SASS6: variants seen among roughly 807,000 people sequenced by gnomAD.
SASS6 encodes the protein SAS-6 centriolar assembly protein.
SASS6 carries 59 observed loss-of-function variants against 94.9 expected under a neutral mutation model. The ratio of observed to expected loss-of-function variants is 0.62; its 90% CI spans 0.50 to 0.77. The LOEUF (loss-of-function observed/expected upper bound fraction) is 0.77. SASS6 is among the 30% of genes least tolerant of loss of function. The pLI is 0.00. For synonymous variants in SASS6, 264 were observed against 270.0 expected (o/e 0.98, Z 0.22); for missense variants, 698 against 734.1 (o/e 0.95, Z 0.57).
At chr1:100,086,513 ATTT>A (rs11327228) in intron 15 of SASS6, among the ~76,000 whole-genome samples, 19 of 136,116 alleles carry the variant, frequency 1.4e-4, no homozygotes, top group Non-Finnish European at 1.9e-4. Flanking sequence ...TAATGATTTG[ATTT>A]TTTTTTTTTT....
At chr1:100,109,768 G>C (rs1236243079) in intron 8 of SASS6, among the ~76,000 whole-genome samples, 1 of 151,840 alleles carries the variant, frequency 6.6e-6, no homozygotes, top group African/African-American at 2.4e-5. Flanking sequence ...CTGTAAAATA[G>C]GGCTAATAAT....
At chr1:100,098,135 G>A (rs1191510521) in intron 14 of SASS6, among the ~76,000 whole-genome samples, 1 of 151,944 alleles carries the variant, frequency 6.6e-6, no homozygotes, top group East Asian at 1.9e-4. Context: ...TAAAAAGGAA[G>A]TATAATGAAG....
At chr1:100,116,338 A>G (rs1256338963) in intron 7 of SASS6, among the ~76,000 whole-genome samples, 1 of 152,208 alleles carries the variant, frequency 6.6e-6, no homozygotes, top group Non-Finnish European at 1.5e-5. Flanking sequence ...AACAACTTGA[A>G]TGGGCACTTG....
intron 14 of SASS6, among the ~76,000 whole-genome samples, chr1:100,101,749 C>T (rs139066200): frequency 3.9e-5 from 6 of 152,254 alleles, no homozygotes; most frequent in African/African-American, 1.4e-4. Flanking sequence ...CAGTTATATG[C>T]ATCTAAGTAC....
intron 2 of SASS6, among the ~76,000 whole-genome samples, chr1:100,124,412 G>C (rs78954513): frequency 6.6e-6 from 1 of 152,090 alleles, no homozygotes; most frequent in Non-Finnish European, 1.5e-5. Flanking sequence ...ATGGGGTCTC[G>C]CTCTGTCGCC....
chr1:100,106,670 G>A (rs574155216), intron 12 of SASS6, among the ~76,000 whole-genome samples: 1 of 152,004 alleles, frequency 6.6e-6, no homozygotes, highest in South Asian at 2.1e-4. Flanking sequence ...TGGGCAACAT[G>A]ATAAAATCTC....
chr1:100,101,409 T>A (rs989413322), intron 14 of SASS6, among the ~76,000 whole-genome samples: 17 of 151,988 alleles, frequency 1.1e-4, no homozygotes, highest in African/African-American at 4.1e-4. Flanking sequence ...CTGAAAGTCT[T>A]GCTCCTGTAT....
In SASS6 at chr1:100,097,767, C is replaced by T. The variant is rs1028050559; in HGVS notation, c.1674+5188G>A. On this transcript the variant is annotated intron_variant, in intron 14 of 16. Transcript: ENST00000287482. ...TCACCTGAGCCCAGGGAGGTCGAGGCTGCAATAAGCCATGATCGTGCCACT... is the reference window on the plus strand; with the variant it reads ...TCACCTGAGCCCAGGGAGGTCGAGGTTGCAATAAGCCATGATCGTGCCACT... Among the ~76,000 whole-genome samples, 10 of 152,144 alleles carry T rather than the reference C, an allele frequency of 6.6e-5. No individual in the cohort carries two copies. In the East Asian group the frequency reaches 1.9e-3, roughly 29 times the overall value.
At chr1:100,132,471 G>A (rs1655134783) in intron 1 of SASS6, among the ~76,000 whole-genome samples, 2 of 152,004 alleles carry the variant, frequency 1.3e-5, no homozygotes, top group African/African-American at 4.8e-5. Context: ...GGAAGAGTAG[G>A]GCTATAATCT....
At chr1:100,099,903 G>A (rs12132802) in intron 14 of SASS6, among the ~76,000 whole-genome samples, 6,750 of 152,154 alleles carry the variant, frequency 0.044, 176 homozygotes, top group African/African-American at 0.061. Flanking sequence ...CATCTGGCCC[G>A]TTCCTCACTG....
chr1:100,124,892 A>G (rs1570711237), intron 2 of SASS6, among the ~76,000 whole-genome samples: 4 of 152,162 alleles, frequency 2.6e-5, no homozygotes, highest in Admixed American at 2.0e-4. Context: ...TTGCACTCCT[A>G]TGAGACTCTA....
intron 15 of SASS6, among the ~76,000 whole-genome samples, chr1:100,086,097 C>T (rs2101633695): frequency 6.6e-6 from 1 of 152,104 alleles, no homozygotes; most frequent in South Asian, 2.1e-4. Flanking sequence ...CAAATTAATA[C>T]AAATGAGAAA....
intron 7 of SASS6, 112 bp downstream of exon 7, chr1:100,118,906 T>C (rs1653972478): frequency 5.3e-6 from 3 of 569,918 alleles, no homozygotes; most frequent in South Asian, 5.3e-5. Flanking sequence ...TTTTATTTTA[T>C]ATACTTCTGT....
intron 1 of SASS6, among the ~76,000 whole-genome samples, chr1:100,132,291 G>A (rs1202200149): frequency 6.6e-6 from 1 of 152,080 alleles, no homozygotes; most frequent in Non-Finnish European, 1.5e-5. Context: ...CACCAAATTG[G>A]TAGGTTTTTA....
intron 4 of SASS6, 50 bp from the exon 5 acceptor site, chr1:100,121,599 T>A (rs1019429001): frequency 1.3e-5 from 13 of 1,034,426 alleles, no homozygotes; most frequent in African/African-American, 1.1e-4. Flanking sequence ...ATAGTGAAAA[T>A]CTCTCACTGA....
At position 100,107,400 on chromosome 1, in the gene SASS6, G is replaced by A; in HGVS notation, c.1300C>T (p.Gln434Ter). 2 of 1,607,808 alleles carry A rather than the reference G, an allele frequency of 1.2e-6. No individual in the cohort carries two copies. The highest frequency in any genetic ancestry group is 8.5e-7 in the Non-Finnish European group (1 of 1,175,648). The change falls in exon 11 of 17, where the codon CAG (glutamine) becomes TAG (stop). Residue 434 changes from glutamine to a stop codon, truncating the protein, a stop_gained. Transcript: ENST00000287482. LOFTEE classifies it high-confidence loss of function. ...KEQKELQDVG[Q>*]SLRIKEQEVC... ...TCTTGCTCTTTAATTCGAAGAGACT[G>A]TCCAACATCTTGTAATTCCTTTTGT...
chr1:100,109,224 T>A (rs913147617), intron 8 of SASS6, among the ~76,000 whole-genome samples: 1 of 152,068 alleles, frequency 6.6e-6, no homozygotes, highest in African/African-American at 2.4e-5. Flanking sequence ...AAGACATCTA[T>A]TATTGGGGCA....
chr1:100,122,600 T>G (rs1299948691), intron 3 of SASS6, 116 bp from the exon 4 acceptor site: 6 of 426,242 alleles, frequency 1.4e-5, no homozygotes, highest in Non-Finnish European at 2.4e-5. Flanking sequence ...TCACCCAGGC[T>G]GGAGTGCAGT....
At chr1:100,103,488 T>C (rs992785027) in intron 13 of SASS6, among the ~76,000 whole-genome samples, 1 of 152,198 alleles carries the variant, frequency 6.6e-6, no homozygotes, top group Non-Finnish European at 1.5e-5. Context: ...TCAGTGTTCT[T>C]AAATGGACTA....
Sources: allele counts gnomAD v4.1 joint callset (sites outside exome capture counted in the v4.1 genomes callset), GRCh38; gene constraint gnomAD v4.1.1; transcripts MANE v1.5; gene names NCBI Gene and HGNC (gene_info 2026-07-23, HGNC 2026-07-21).